VXN: variants seen among roughly 807,000 people sequenced by gnomAD.
VXN encodes uncharacterized protein C8orf46.
In VXN, 7 loss-of-function variants were observed where a neutral mutation model predicts 23.1. That is an observed-to-expected ratio of 0.30 (90% CI 0.17 to 0.57). The LOEUF is 0.57. Among genes scored for constraint, VXN ranks in the 20% least tolerant of loss-of-function variants. VXN has a pLI of 0.91. For synonymous variants in VXN, 120 were observed against 105.8 expected (o/e 1.13, Z -0.83); for missense variants, 238 against 272.6 (o/e 0.87, Z 0.89).
intron 1 of VXN, among the ~76,000 whole-genome samples, chr8:66,496,137 A>G (rs921281931): frequency 1.3e-5 from 2 of 151,916 alleles, no homozygotes; most frequent in African/African-American, 4.9e-5. Flanking sequence ...TCAGAATTCC[A>G]TTCCTTTTCA....
intron 3 of VXN, among the ~76,000 whole-genome samples, chr8:66,506,227 GAGAC>G (rs1222020586): frequency 1.5e-5 from 2 of 136,698 alleles, no homozygotes; most frequent in African/African-American, 2.9e-5. Flanking sequence ...GAGAGAGAGA[GAGAC>G]AGTGTGTGTG....
In VXN at chr8:66,505,408, C is replaced by T; in HGVS notation, c.160C>T (p.Pro54Ser). Residue 54 changes from proline (P) to serine (S), a missense_variant, in exon 3 of 6, where the codon CCC becomes TCC. By Grantham distance (74) the Pro-to-Ser change is moderately conservative (BLOSUM62 -1). Transcript: ENST00000305454. ...VIESDLYTHQ[P>S]LELLPHRGDR... ...CGAGTCGGACCTGTACACGCACCAG[C>T]CCCTGGAGCTGCTGCCCCACCGCGG... The T allele has an allele frequency of 6.3e-7, 1 of 1,580,774 alleles. No individual in the cohort carries two copies. Among genetic ancestry groups the T allele is most frequent in the Non-Finnish European group, 8.6e-7 (1 of 1,164,106 alleles).
At chr8:66,501,651 T>C (rs991651784) in intron 2 of VXN, among the ~76,000 whole-genome samples, 2 of 152,214 alleles carry the variant, frequency 1.3e-5, no homozygotes, top group East Asian at 1.9e-4. Flanking sequence ...TTTTGCACTT[T>C]CCTCTGAATT....
intron 5 of VXN, 37 bp from the exon 6 acceptor site, chr8:66,515,856 A>C (rs34089487): frequency 1.3e-6 from 2 of 1,506,312 alleles, no homozygotes; most frequent in African/African-American, 2.8e-5. Flanking sequence ...GCTTGTGAGC[A>C]GACCACCCTC....
At chr8:66,504,182 G>A (rs1371494076) in intron 2 of VXN, among the ~76,000 whole-genome samples, 1 of 152,078 alleles carries the variant, frequency 6.6e-6, no homozygotes, top group Non-Finnish European at 1.5e-5. Flanking sequence ...GGTGGTTCTT[G>A]TTCCTGAAAG....
At chr8:66,504,297 T>G (rs551974716) in intron 2 of VXN, among the ~76,000 whole-genome samples, 11 of 152,240 alleles carry the variant, frequency 7.2e-5, no homozygotes, top group African/African-American at 2.4e-4. Flanking sequence ...TTCTACAAAG[T>G]GGGTCTGAAA....
chr8:66,506,232 A>ATGTGTGTGT (rs1491453609), intron 3 of VXN, among the ~76,000 whole-genome samples: 2 of 140,340 alleles, frequency 1.4e-5, no homozygotes, highest in African/African-American at 2.7e-5. Context: ...AGAGAGAGAC[A>ATGTGTGTGT]GTGTGTGTGT....
intron 2 of VXN, among the ~76,000 whole-genome samples, chr8:66,501,013 C>T (rs567370935): frequency 6.6e-6 from 1 of 151,970 alleles, no homozygotes; most frequent in African/African-American, 2.4e-5. Flanking sequence ...GCTGGGACTA[C>T]AGGTGCCCGC....
chr8:66,514,132 C>T (rs931698801), intron 5 of VXN: 11 of 166,470 alleles, frequency 6.6e-5, no homozygotes, highest in African/African-American at 2.6e-4. Flanking sequence ...CCCCGACACC[C>T]CTCAGTGACA....
intron 5 of VXN, 29 bp from the exon 6 acceptor site, chr8:66,515,864 C>T: frequency 6.6e-7 from 1 of 1,524,452 alleles, no homozygotes; most frequent in Non-Finnish European, 8.8e-7. Flanking sequence ...GCAGACCACC[C>T]TCCCCACCCA....
intron 4 of VXN, among the ~76,000 whole-genome samples, chr8:66,512,828 A>T (rs1807839812): frequency 6.6e-6 from 1 of 152,086 alleles, no homozygotes; most frequent in African/African-American, 2.4e-5. Context: ...CAGAGAAGGG[A>T]GCACCCGCTG....
At chr8:66,515,636 G>A (rs146085617) in intron 5 of VXN, among the ~76,000 whole-genome samples, 1 of 152,328 alleles carries the variant, frequency 6.6e-6, no homozygotes, top group Non-Finnish European at 1.5e-5. Context: ...CAGACCCAGA[G>A]CAGGGGGACA....
intron 2 of VXN, among the ~76,000 whole-genome samples, chr8:66,500,868 AT>A (rs1172553891): frequency 0.14 from 16,096 of 114,202 alleles, 524 homozygotes; most frequent in African/African-American, 0.21. Flanking sequence ...AAAGGACATG[AT>A]TTTTTTTTTT....
At chr8:66,510,374 G>T in intron 4 of VXN, 1 of 503,470 alleles carries the variant, frequency 2.0e-6, no homozygotes, top group Non-Finnish European at 3.5e-6. Context: ...TCTTTCTTGT[G>T]AGAAATTCCG....
chr8:66,503,363 A>G (rs969465597), intron 2 of VXN: 2 of 152,102 alleles, frequency 1.3e-5, no homozygotes, highest in Non-Finnish European at 2.9e-5. Context: ...GTAATTCTCT[A>G]TTATCTCCGT....
chr8:66,504,327 T>C (rs1352506373), intron 2 of VXN, among the ~76,000 whole-genome samples: 1 of 151,888 alleles, frequency 6.6e-6, no homozygotes, highest in Non-Finnish European at 1.5e-5. Context: ...CAGCCCTCAC[T>C]CCTCCTTTCC....
At chr8:66,496,326 C>T in intron 1 of VXN, 111 bp from the exon 2 acceptor site, 1 of 978,654 alleles carries the variant, frequency 1.0e-6, no homozygotes, top group East Asian at 2.4e-5. Flanking sequence ...CCCGTCCCCT[C>T]CTCTATGCCC....
chr8:66,514,936 CTTCTGAATGACAGAAGA>C (rs1465213120), intron 5 of VXN, among the ~76,000 whole-genome samples: 1 of 152,150 alleles, frequency 6.6e-6, no homozygotes, highest in Non-Finnish European at 1.5e-5. Context: ...GTGGGGAGCA[CTTCTGAATGACAGAAGA>C]TTGGCTAGAA....
At chr8:66,514,812 A>G (rs1372891361) in intron 5 of VXN, among the ~76,000 whole-genome samples, 15 of 152,188 alleles carry the variant, frequency 9.9e-5, no homozygotes, top group Admixed American at 9.8e-4. Flanking sequence ...AGTAGTTGGG[A>G]AGCTATGCAC....
Sources: gnomAD v4.1 joint callset for allele counts (sites outside exome capture counted in the v4.1 genomes callset) on GRCh38, gnomAD v4.1.1 for gene constraint, MANE v1.5 for transcripts, NCBI Gene and HGNC (gene_info 2026-07-23, HGNC 2026-07-21) for gene names.